The following DNAH17 variants were observed in gnomAD, a reference collection of about 807,000 sequenced individuals.
DNAH17 encodes the protein axonemal beta dynein heavy chain 17.
A neutral mutation model predicts 485.6 loss-of-function variants in DNAH17; 376 were observed. That is an observed-to-expected ratio of 0.77 (90% CI 0.71 to 0.84). DNAH17 has a LOEUF of 0.84. Ranked by LOEUF, DNAH17 falls within the 40% of genes least tolerant of loss-of-function variation. The probability of loss-of-function intolerance (pLI) is 0.00; values close to 1 mark genes in which losing one functional copy is unlikely to be tolerated. For missense variants in DNAH17, 6,370 were observed against 5,839.3 expected, an observed-to-expected ratio of 1.09 and a Z score of -2.96; for synonymous variants, 3,031 against 2,405.9, an observed-to-expected ratio of 1.26 and a Z score of -7.60.
rs751742547 is a variant in DNAH17, at chr17:78,455,756, C to G, written c.10058G>C (p.Cys3353Ser). The part of the protein sequence containing the change: ...ENFRSQGVTL[C>S]GDVLLISAFV... Reference sequence around the variant, plus strand: ...GGCAGAGATGAGCAGGACGTCCCCACACAGCGTGACCCCCTGGCTCCTGAA... The same window carrying G: ...GGCAGAGATGAGCAGGACGTCCCCAGACAGCGTGACCCCCTGGCTCCTGAA... Residue 3353 changes from cysteine to serine, a missense_variant, in exon 63 of 81, where the codon TGT becomes TCT. By Grantham distance (112) the Cys-to-Ser change is moderately radical. Coordinates refer to ENST00000389840, the MANE Select transcript of DNAH17 (RefSeq NM_173628.4). 2.6e-5 allele frequency: 42 copies of G among 1,613,390 alleles called. No individual in the cohort carries two copies. Among genetic ancestry groups the G allele is most frequent in the Non-Finnish European group, 5.9e-6 (7 of 1,179,730 alleles).
intron 11 of DNAH17, among the ~76,000 whole-genome samples, chr17:78,564,241 C>T (rs532519518): frequency 1.3e-5 from 2 of 152,306 alleles, no homozygotes; most frequent in African/African-American, 2.4e-5. Flanking sequence ...AGCCCAGACC[C>T]GTACGCTGGT....
At chr17:78,426,241 C>T (rs370000474) in intron 79 of DNAH17, among the ~76,000 whole-genome samples, 6 of 150,050 alleles carry the variant, frequency 4.0e-5, no homozygotes, top group East Asian at 1.9e-4. Context: ...AGCTGCTCTG[C>T]GGCCTGGCTT....
chr17:78,569,519 G>T lies in DNAH17; in HGVS notation c.1053C>A (p.Thr351=). 1.9e-6 allele frequency: 3 copies of T among 1,605,544 alleles called. No homozygotes were observed. The highest frequency in any genetic ancestry group is 2.6e-6 in the Non-Finnish European group (3 of 1,176,076). ...TCAGCACCTCTTCCGGGCTCAGGAA[G>T]GTTCGTGTCTGGGCAAAAGAGAAGA... The part of the protein sequence containing the change: ...FCNQIIEMTR[T]FLSPEEVLKG... The change falls in exon 8 of 81, where the codon ACC becomes ACA. Residue 351 remains threonine (T), a synonymous_variant. Transcript: ENST00000389840.
At chr17:78,429,856 G>C (rs960911735) in intron 75 of DNAH17, among the ~76,000 whole-genome samples, 1 of 152,190 alleles carries the variant, frequency 6.6e-6, no homozygotes, top group Admixed American at 6.5e-5. Context: ...TGTGGAAGTA[G>C]AGTCCTTCCT....
chr17:78,434,799 A>G lies in DNAH17; in HGVS notation c.12034-579T>C, dbSNP rs371569899. Among the ~76,000 whole-genome samples the G allele has an allele frequency of 5.9e-5, 9 of 152,336 alleles. 1 individual carries two copies. The East Asian group carries it at 7.7e-4, about 13-fold the overall frequency. On this transcript the variant is annotated intron_variant, in intron 74 of 80. Coordinates refer to ENST00000389840, the MANE Select transcript of DNAH17 (RefSeq NM_173628.4). ...TTTTACTCATTAACCTTTGCTACGT[A>G]GTGACTCCTGAACACACAGAGGCTT... is the stretch of plus-strand genomic sequence containing the variant.
intron 75 of DNAH17, among the ~76,000 whole-genome samples, chr17:78,433,209 T>A: frequency 6.6e-6 from 1 of 152,194 alleles, no homozygotes; most frequent in East Asian, 1.9e-4. Flanking sequence ...TTAGCCTGAG[T>A]CAAAGCTTCG....
At position 78,511,767 on chromosome 17, in the gene DNAH17, C is replaced by G. The variant is rs369578808; in HGVS notation, c.4114-1261G>C. ...CATTTGGGGACATATGTGCCCGAGG[C>G]TCACCAAGACCTCAGCTGTGCCCAG... On this transcript the variant is annotated intron_variant, in intron 26 of 80. Coordinates refer to ENST00000389840, the MANE Select transcript of DNAH17 (RefSeq NM_173628.4). Among the ~76,000 whole-genome samples the G allele has an allele frequency of 2.0e-5, 3 of 152,250 alleles. No homozygotes were observed. The East Asian group carries it at 5.8e-4, about 29-fold the overall frequency.
rs55701739 is a variant in DNAH17, at chr17:78,554,436, CAAAAAAAAAAAAAAAA to C, written c.2179-1647_2179-1632del. On this transcript the variant is annotated intron_variant, in intron 14 of 80. Coordinates refer to ENST00000389840, the MANE Select transcript of DNAH17 (RefSeq NM_173628.4). Reference sequence around the variant, plus strand: ...TGGACAATAGAATGAGACTCTGTCTCAAAAAAAAAAAAAAAAAAAAAAAAAAAAAAAAAAAGGATAG... The same window carrying C: ...TGGACAATAGAATGAGACTCTGTCTCAAAAAAAAAAAAAAAAAAAGGATAG... Among the ~76,000 whole-genome samples, 226 of 32,260 alleles carry C rather than the reference CAAAAAAAAAAAAAAAA, an allele frequency of 7.0e-3. 2 individuals carry two copies. Among genetic ancestry groups the C allele is most frequent in the African/African-American group, 0.022 (208 of 9,344 alleles). 21.2% of individuals were successfully genotyped at this position (32,260 alleles called of 152,430 possible).
chr17:78,524,336 T>C (rs1213790122), intron 25 of DNAH17, among the ~76,000 whole-genome samples: 5 of 152,100 alleles, frequency 3.3e-5, no homozygotes, highest in Non-Finnish European at 7.4e-5. Flanking sequence ...CGGGGTTTCA[T>C]CATGTTGGCT....
chr17:78,512,940 CAAAA>C (rs57734613), intron 26 of DNAH17, among the ~76,000 whole-genome samples: 2 of 83,306 alleles, frequency 2.4e-5, no homozygotes, highest in African/African-American at 5.2e-5. Context: ...GACTCTAACT[CAAAA>C]AAAAAAAAAA....
intron 69 of DNAH17, among the ~76,000 whole-genome samples, chr17:78,448,657 A>T (rs2087416953): frequency 6.6e-6 from 1 of 152,240 alleles, no homozygotes; most frequent in Non-Finnish European, 1.5e-5. Context: ...TTGGAAACTG[A>T]ATCCTCAGTG....
At chr17:78,485,366 A>G in intron 47 of DNAH17, among the ~76,000 whole-genome samples, 184 bp downstream of exon 47, 1 of 152,040 alleles carries the variant, frequency 6.6e-6, no homozygotes, top group East Asian at 1.9e-4. Context: ...CACCAGAAAG[A>G]GGGGTCCCGG....
intron 26 of DNAH17, among the ~76,000 whole-genome samples, chr17:78,512,672 T>C (rs1281138081): frequency 6.6e-6 from 1 of 152,146 alleles, no homozygotes; most frequent in African/African-American, 2.4e-5. Context: ...CCAGGTGCGG[T>C]GGCTCACACC....
chr17:78,441,714 T>G (rs1027514104), intron 71 of DNAH17, among the ~76,000 whole-genome samples: 1 of 152,134 alleles, frequency 6.6e-6, no homozygotes, highest in African/African-American at 2.4e-5. Flanking sequence ...GGTCTTTGGA[T>G]CAGGTGTTGG....
At chr17:78,562,677 G>A (rs753428125) in intron 11 of DNAH17, among the ~76,000 whole-genome samples, 6 of 152,148 alleles carry the variant, frequency 3.9e-5, no homozygotes, top group African/African-American at 2.4e-5. Flanking sequence ...TAGCCATAAC[G>A]TTGCATTTAT....
chr17:78,483,671 C>T (rs1179127905), intron 48 of DNAH17, among the ~76,000 whole-genome samples: 2 of 151,782 alleles, frequency 1.3e-5, no homozygotes, highest in Admixed American at 6.6e-5. Context: ...CCAGCTCCGC[C>T]ACTCATTAGG....
Position 78,464,891 on chromosome 17 carries a change from A to G in DNAH17, c.8940+1764T>C, listed in dbSNP as rs140431645. On this transcript the variant is annotated intron_variant, in intron 56 of 80. Transcript: ENST00000389840. ...TTACAATTCTGATGATTTGTTCATC[A>G]TGAATTTTTTAGCGCTAATTTGATT... 9.0e-4 allele frequency among the ~76,000 whole-genome samples: 137 copies of G among 152,382 alleles called. 1 individual carries two copies. The Middle Eastern group carries it at 0.014, about 15-fold the overall frequency.
intron 10 of DNAH17, 74 bp downstream of exon 10, chr17:78,566,925 C>T (rs1167534450): frequency 5.9e-6 from 9 of 1,513,226 alleles, no homozygotes; most frequent in African/African-American, 2.8e-5. Flanking sequence ...CCTCCCATCA[C>T]ACCCCTAAGC....
At chr17:78,460,098 A>C in intron 59 of DNAH17, 64 bp downstream of exon 59, 1 of 1,581,760 alleles carries the variant, frequency 6.3e-7, no homozygotes, top group Non-Finnish European at 8.6e-7. Context: ...CACCCACGCC[A>C]ACAGCGAAGG....
Sources: allele counts gnomAD v4.1 joint callset (sites outside exome capture counted in the v4.1 genomes callset), GRCh38; gene constraint gnomAD v4.1.1; transcripts MANE v1.5; gene names NCBI Gene and HGNC (gene_info 2026-07-23, HGNC 2026-07-21).